The following NALCN variants were observed in gnomAD, a reference collection of about 807,000 sequenced individuals.
NALCN encodes sodium leak channel NALCN.
NALCN carries 111 observed loss-of-function variants against 225.3 expected under a neutral mutation model. That is an observed-to-expected ratio of 0.49 (90% CI 0.42 to 0.58). The LOEUF (loss-of-function observed/expected upper bound fraction) is 0.58, where lower values mean the gene tolerates loss of function less well. NALCN is among the 20% of genes least tolerant of loss of function. The pLI, the probability that NALCN is intolerant of heterozygous loss-of-function variation, is 0.00. For missense variants in NALCN, 1,378 were observed against 2,202.4 expected, an observed-to-expected ratio of 0.63 and a Z score of 7.49; for synonymous variants, 764 against 769.0, an observed-to-expected ratio of 0.99 and a Z score of 0.11.
At chr13:101,243,567 G>A (rs1321158021) in intron 11 of NALCN, among the ~76,000 whole-genome samples, 2 of 104,856 alleles carry the variant, frequency 1.9e-5, no homozygotes, top group Non-Finnish European at 4.2e-5. Flanking sequence ...TGTAATTGTC[G>A]TTTGTCTTTT....
chr13:101,238,663 T>C (rs1334897917), intron 11 of NALCN, among the ~76,000 whole-genome samples: 2 of 152,082 alleles, frequency 1.3e-5, no homozygotes, highest in Non-Finnish European at 2.9e-5. Context: ...CAGCTGGAAT[T>C]AAAATTTGCA....
At chr13:101,123,248 C>T (rs1413205987) in intron 18 of NALCN, among the ~76,000 whole-genome samples, 1 of 152,138 alleles carries the variant, frequency 6.6e-6, no homozygotes, top group Non-Finnish European at 1.5e-5. Context: ...GAGTAAGGTC[C>T]CTGTAGTTCC....
At chr13:101,200,596 C>A (rs1165169935) in intron 13 of NALCN, among the ~76,000 whole-genome samples, 1 of 152,126 alleles carries the variant, frequency 6.6e-6, no homozygotes, top group African/African-American at 2.4e-5. Context: ...TAAACATCAA[C>A]ATAGGTGGGC....
intron 18 of NALCN, among the ~76,000 whole-genome samples, chr13:101,119,358 A>G (rs1376914784): frequency 6.6e-6 from 1 of 152,212 alleles, no homozygotes; most frequent in African/African-American, 2.4e-5. Context: ...CTTAAGACTT[A>G]AACAGTTATT....
At chr13:101,098,940 G>T (rs959253544) in intron 27 of NALCN, among the ~76,000 whole-genome samples, 2 of 151,918 alleles carry the variant, frequency 1.3e-5, no homozygotes, top group African/African-American at 2.4e-5. Flanking sequence ...AGACCTCACT[G>T]CTCTAGGAAA....
intron 13 of NALCN, among the ~76,000 whole-genome samples, chr13:101,210,521 A>AT (rs141338150): frequency 0.028 from 4,185 of 151,772 alleles, 183 homozygotes; most frequent in African/African-American, 0.096. Flanking sequence ...CTGTAATATG[A>AT]TTTTTTTTTA....
intron 17 of NALCN, among the ~76,000 whole-genome samples, chr13:101,139,969 T>A (rs1307843818): frequency 3.3e-5 from 5 of 152,112 alleles, no homozygotes; most frequent in Non-Finnish European, 7.4e-5. Context: ...GGTTGACAAA[T>A]CCTAAGGTCT....
chr13:101,147,113 T>C (rs895496901), intron 15 of NALCN, among the ~76,000 whole-genome samples: 2 of 152,160 alleles, frequency 1.3e-5, no homozygotes, highest in Admixed American at 1.3e-4. Flanking sequence ...AATTGGGACA[T>C]ATCATTGAAA....
chr13:101,171,066 G>A (rs1186529155), intron 15 of NALCN, among the ~76,000 whole-genome samples: 1 of 152,044 alleles, frequency 6.6e-6, no homozygotes, highest in Admixed American at 6.6e-5. Flanking sequence ...AGAAGTTTTA[G>A]GTCAAGGGTT....
intron 7 of NALCN, among the ~76,000 whole-genome samples, chr13:101,341,751 T>C (rs75324599): frequency 0.02 from 3,089 of 152,338 alleles, 113 homozygotes; most frequent in African/African-American, 0.07. Flanking sequence ...TCTAGGATAG[T>C]GCAATGGACA....
At chr13:101,232,749 C>G (rs2140141884) in intron 12 of NALCN, among the ~76,000 whole-genome samples, 1 of 152,132 alleles carries the variant, frequency 6.6e-6, no homozygotes, top group East Asian at 1.9e-4. Context: ...CCCGGCCATC[C>G]TGCTGTAATT....
At chr13:101,339,633 A>G (rs951266541) in intron 7 of NALCN, among the ~76,000 whole-genome samples, 10 of 152,168 alleles carry the variant, frequency 6.6e-5, no homozygotes. Context: ...CTGGTGCTTT[A>G]CTTAGGCTCT....
upstream of NALCN, among the ~76,000 whole-genome samples, chr13:101,417,133 A>G (rs1440062770): frequency 2.6e-5 from 4 of 152,172 alleles, no homozygotes; most frequent in African/African-American, 9.7e-5. Flanking sequence ...AGCAGACTGC[A>G]TCTGAGGCTT....
At chr13:101,377,941 C>T (rs1192741737) in intron 4 of NALCN, among the ~76,000 whole-genome samples, 1 of 151,986 alleles carries the variant, frequency 6.6e-6, no homozygotes, top group Non-Finnish European at 1.5e-5. Flanking sequence ...TCAAATCTGT[C>T]CTGTAAGTCT....
At chr13:101,148,338 C>T (rs2037462037) in intron 15 of NALCN, among the ~76,000 whole-genome samples, 2 of 152,200 alleles carry the variant, frequency 1.3e-5, no homozygotes, top group Admixed American at 1.3e-4. Context: ...TGTAACACCC[C>T]ATCCCTGCTT....
intron 6 of NALCN, among the ~76,000 whole-genome samples, chr13:101,345,935 T>A (rs77108095): frequency 0.02 from 3,018 of 147,538 alleles, 113 homozygotes; most frequent in African/African-American, 0.071. Flanking sequence ...AGATGGATCA[T>A]TTGGCTTACA....
At chr13:101,409,354 A>T (rs1231118756) in intron 1 of NALCN, among the ~76,000 whole-genome samples, 1 of 152,170 alleles carries the variant, frequency 6.6e-6, no homozygotes, top group Non-Finnish European at 1.5e-5. Context: ...ATTCACTATA[A>T]AATGTTAACT....
chr13:101,183,226 T>C (rs561900864), intron 14 of NALCN, among the ~76,000 whole-genome samples: 1 of 152,340 alleles, frequency 6.6e-6, no homozygotes, highest in African/African-American at 2.4e-5. Context: ...CTACCACATG[T>C]TGCTGTGCCA....
At chr13:101,142,303 A>G (rs1151392) in intron 17 of NALCN, among the ~76,000 whole-genome samples, 75,713 of 151,386 alleles carry the variant, frequency 0.5, 19,486 homozygotes, top group African/African-American at 0.61. Context: ...CACCACGCCC[A>G]GCTGACTTTT....
Sources: allele counts gnomAD v4.1 joint callset (sites outside exome capture counted in the v4.1 genomes callset), GRCh38; gene constraint gnomAD v4.1.1; transcripts MANE v1.5; gene names NCBI Gene and HGNC (gene_info 2026-07-23, HGNC 2026-07-21).